The following RALGPS1 variants were observed in gnomAD, a reference collection of about 807,000 sequenced individuals.
RALGPS1 encodes ras-specific guanine nucleotide-releasing factor RalGPS1.
In RALGPS1, 19 loss-of-function variants were observed where a neutral mutation model predicts 78.8. The observed-to-expected ratio is 0.24, with a 90% confidence interval of 0.17 to 0.35. The LOEUF (loss-of-function observed/expected upper bound fraction) is 0.35, where lower values mean the gene tolerates loss of function less well. Among genes scored for constraint, RALGPS1 ranks in the 10% least tolerant of loss-of-function variants. The pLI is 1.00. For synonymous variants in RALGPS1, 228 were observed against 256.3 expected, an observed-to-expected ratio of 0.89 and a Z score of 1.06; for missense variants, 454 against 688.3, an observed-to-expected ratio of 0.66 and a Z score of 3.81.
chr9:127,060,676 C>G (rs2049134130), intron 7 of RALGPS1, among the ~76,000 whole-genome samples: 1 of 152,138 alleles, frequency 6.6e-6, no homozygotes, highest in Non-Finnish European at 1.5e-5. Context: ...TTGGGACTTG[C>G]TGTCTCTGGG....
intron 7 of RALGPS1, among the ~76,000 whole-genome samples, chr9:127,058,971 G>A (rs904338529): frequency 2.0e-5 from 3 of 152,306 alleles, no homozygotes; most frequent in Non-Finnish European, 4.4e-5. Flanking sequence ...GACCTGGTCT[G>A]GAGGGTGGTG....
At chr9:126,915,265 CGGGCGCG>C in intron 1 of RALGPS1, among the ~76,000 whole-genome samples, 1 of 80,216 alleles carries the variant, frequency 1.2e-5, no homozygotes, top group South Asian at 4.6e-4. Flanking sequence ...GGAAGAGGCG[CGGGCGCG>C]GGGGGCGGGG....
At chr9:126,994,279 GAA>G (rs60890580) in intron 4 of RALGPS1, among the ~76,000 whole-genome samples, 1 of 151,506 alleles carries the variant, frequency 6.6e-6, no homozygotes, top group Non-Finnish European at 1.5e-5. Context: ...TAAAAGCTTT[GAA>G]AAAAAAATTA....
chr9:126,949,560 C>G (rs1036773031), intron 1 of RALGPS1, among the ~76,000 whole-genome samples: 3 of 152,186 alleles, frequency 2.0e-5, no homozygotes, highest in African/African-American at 7.2e-5. Flanking sequence ...TCTCTGATGA[C>G]CAGTGATGAT....
intron 1 of RALGPS1, among the ~76,000 whole-genome samples, chr9:126,928,924 A>G (rs539633675): frequency 6.6e-6 from 1 of 152,130 alleles, no homozygotes; most frequent in South Asian, 2.1e-4. Flanking sequence ...ACTGGCTGTG[A>G]GTTCTTGGAT....
chr9:127,095,202 T>G (rs1210475819), intron 8 of RALGPS1, among the ~76,000 whole-genome samples: 1 of 152,106 alleles, frequency 6.6e-6, no homozygotes, highest in Non-Finnish European at 1.5e-5. Flanking sequence ...ATCGAGACCA[T>G]CCTGGCTAAC....
intron 8 of RALGPS1, among the ~76,000 whole-genome samples, chr9:127,075,041 C>T (rs955884603): frequency 1.3e-5 from 2 of 152,218 alleles, no homozygotes; most frequent in African/African-American, 2.4e-5. Flanking sequence ...CAGCCTGTGC[C>T]AGCCTTCAGG....
At chr9:127,151,265 A>T (rs1028598929) in intron 8 of RALGPS1, among the ~76,000 whole-genome samples, 1 of 151,978 alleles carries the variant, frequency 6.6e-6, no homozygotes, top group Non-Finnish European at 1.5e-5. Flanking sequence ...AAACAACCCC[A>T]TAGATTTATA....
Position 127,187,117 on chromosome 9 carries a change from G to A in RALGPS1, c.911-7974G>A, listed in dbSNP as rs569327720. On this transcript the variant is annotated intron_variant, in intron 11 of 18. Coordinates refer to ENST00000259351, the MANE Select transcript of RALGPS1 (RefSeq NM_014636.3). ...GTGCCTCTGAGCCTTCCTTTAAAAT[G>A]GCGATGATAAAAGTTACTAACCTCA... Among the ~76,000 whole-genome samples the A allele has an allele frequency of 2.0e-5, 3 of 152,298 alleles. No individual in the cohort carries two copies. The South Asian group carries it at 6.2e-4, about 32-fold the overall frequency.
chr9:127,038,767 C>T (rs2047060239), intron 5 of RALGPS1, among the ~76,000 whole-genome samples: 1 of 152,208 alleles, frequency 6.6e-6, no homozygotes, highest in Admixed American at 6.5e-5. Flanking sequence ...AGAGGAAAGG[C>T]ATGTGCAGGA....
intron 9 of RALGPS1, 53 bp from the exon 10 acceptor site, chr9:127,168,626 G>A (rs2059409501): frequency 1.7e-6 from 2 of 1,192,400 alleles, no homozygotes. Flanking sequence ...TCTCATCTGG[G>A]GGCCTAAAGA....
intron 11 of RALGPS1, among the ~76,000 whole-genome samples, chr9:127,191,798 C>T (rs1321308788): frequency 8.0e-5 from 12 of 149,542 alleles, no homozygotes; most frequent in Non-Finnish European, 1.6e-4. Context: ...CCCAGGTTCA[C>T]GCCATTCTCC....
intron 7 of RALGPS1, among the ~76,000 whole-genome samples, chr9:127,055,682 C>G (rs900484112): frequency 1.3e-5 from 2 of 152,168 alleles, no homozygotes; most frequent in Non-Finnish European, 2.9e-5. Context: ...ACCTAAGCAG[C>G]CTGGCTCCAG....
chr9:127,158,224 T>C (rs764618187), intron 8 of RALGPS1, among the ~76,000 whole-genome samples: 16 of 152,084 alleles, frequency 1.1e-4, no homozygotes, highest in Non-Finnish European at 1.9e-4. Context: ...CTAGATATTG[T>C]ATTTTAATTA....
At chr9:127,188,859 G>A (rs1184342424) in intron 11 of RALGPS1, among the ~76,000 whole-genome samples, 5 of 92,248 alleles carry the variant, frequency 5.4e-5, no homozygotes, top group African/African-American at 1.8e-4. Context: ...ATGTAGCCAG[G>A]CATTGTGGCG....
At chr9:127,153,016 A>G (rs917064217) in intron 8 of RALGPS1, among the ~76,000 whole-genome samples, 3 of 152,240 alleles carry the variant, frequency 2.0e-5, no homozygotes, top group Admixed American at 1.3e-4. Context: ...AATAAGTGGC[A>G]ATGCCAGGAT....
rs1017969511 is a variant in RALGPS1 at position 127,220,105 on chromosome 9, T to A, written c.*1336T>A. 2.6e-5 allele frequency: 4 copies of A among 152,632 alleles called. No homozygotes were observed. In the East Asian group the frequency reaches 7.7e-4, roughly 29 times the overall value. 9.5% of individuals were successfully genotyped at this position (152,632 alleles called of 1,614,324 possible). A position where few individuals can be genotyped will look rare whatever the true frequency, so the allele number is the denominator to read the frequency against. On this transcript the variant is annotated 3_prime_UTR_variant, in exon 19 of 19. Transcript: ENST00000259351. ...TTATTCAGAATAATAAATCACTCTT[T>A]ATCATAGTATCTTCTCTTCCCTCTT...
intron 11 of RALGPS1, among the ~76,000 whole-genome samples, chr9:127,188,582 T>A (rs1186823504): frequency 6.6e-6 from 1 of 152,106 alleles, no homozygotes; most frequent in Non-Finnish European, 1.5e-5. Flanking sequence ...TAGGCAGCTG[T>A]GCCAAGAGGC....
intron 8 of RALGPS1, among the ~76,000 whole-genome samples, chr9:127,132,910 A>G (rs2057106149): frequency 6.6e-6 from 1 of 152,240 alleles, no homozygotes; most frequent in African/African-American, 2.4e-5. Context: ...GTACTGGTAT[A>G]GACTGTGGGC....
Sources: allele counts gnomAD v4.1 joint callset (sites outside exome capture counted in the v4.1 genomes callset), GRCh38; gene constraint gnomAD v4.1.1; transcripts MANE v1.5; gene names NCBI Gene and HGNC (gene_info 2026-07-23, HGNC 2026-07-21).